COL21A1: variants seen among roughly 807,000 people sequenced by gnomAD.
COL21A1 encodes the protein collagen alpha-1(XXI) chain.
In COL21A1, 149 loss-of-function variants were observed where a neutral mutation model predicts 137.9. The ratio of observed to expected loss-of-function variants is 1.08; its 90% confidence interval spans 0.95 to 1.24. The LOEUF (loss-of-function observed/expected upper bound fraction) is 1.24, where lower values mean the gene tolerates loss of function less well. Ranked by LOEUF, COL21A1 falls within the 50% of genes most tolerant of loss-of-function variation. The pLI is 0.00. For synonymous variants in COL21A1, 456 were observed against 391.5 expected, an observed-to-expected ratio of 1.16 and a Z score of -1.95; for missense variants, 1,167 against 1,158.4, an observed-to-expected ratio of 1.01 and a Z score of -0.11.
intron 1 of COL21A1, among the ~76,000 whole-genome samples, chr6:56,374,349 T>C (rs1414299461): frequency 6.6e-6 from 1 of 152,198 alleles, no homozygotes; most frequent in Non-Finnish European, 1.5e-5. Flanking sequence ...TGCAAATAAT[T>C]GAAGACATCT....
At chr6:56,139,093 T>C (rs1456935169) in intron 12 of COL21A1, among the ~76,000 whole-genome samples, 1 of 152,002 alleles carries the variant, frequency 6.6e-6, no homozygotes, top group Non-Finnish European at 1.5e-5. Flanking sequence ...TGGGAAGACA[T>C]TTAGGGAATT....
intron 1 of COL21A1, among the ~76,000 whole-genome samples, chr6:56,240,285 T>A (rs1782210968): frequency 6.6e-6 from 1 of 152,150 alleles, no homozygotes; most frequent in South Asian, 2.1e-4. Flanking sequence ...TTTCCCTTAG[T>A]CTTCCACCAT....
At chr6:56,366,179 AC>A in intron 1 of COL21A1, among the ~76,000 whole-genome samples, 1 of 152,228 alleles carries the variant, frequency 6.6e-6, no homozygotes, top group Non-Finnish European at 1.5e-5. Context: ...CACTGAAGCC[AC>A]AGCAGGAGGG....
intron 1 of COL21A1, among the ~76,000 whole-genome samples, chr6:56,324,458 G>C (rs868855604): frequency 2.0e-5 from 3 of 152,034 alleles, no homozygotes; most frequent in Admixed American, 6.6e-5. Context: ...GCCTTGAATC[G>C]TCAGCAGGAA....
chr6:56,383,808 T>A (rs1294564305), intron 1 of COL21A1, among the ~76,000 whole-genome samples: 2 of 152,130 alleles, frequency 1.3e-5, no homozygotes, highest in Admixed American at 6.6e-5. Flanking sequence ...AAATAAGTTT[T>A]AAAAAAACCA....
intron 1 of COL21A1, among the ~76,000 whole-genome samples, chr6:56,347,294 C>A (rs1765616687): frequency 6.6e-6 from 1 of 152,040 alleles, no homozygotes; most frequent in South Asian, 2.1e-4. Context: ...AATCCCCCAA[C>A]CTTTCTGGGT....
At chr6:56,112,375 A>G (rs1364990051) in intron 16 of COL21A1, among the ~76,000 whole-genome samples, 1 of 152,206 alleles carries the variant, frequency 6.6e-6, no homozygotes, top group Non-Finnish European at 1.5e-5. Context: ...GTTAACAATT[A>G]TCTACAAAGA....
In COL21A1 at chr6:56,126,026, A is replaced by G; in HGVS notation, c.1596+70T>C. 6.0e-6 allele frequency: 5 copies of G among 835,632 alleles called. 1 individual carries two copies. The South Asian group carries it at 9.1e-5, about 15-fold the overall frequency. 51.8% of individuals were successfully genotyped at this position (835,632 alleles called of 1,614,324 possible). A position where few individuals can be genotyped will look rare whatever the true frequency, so the allele number is the denominator to read the frequency against. On this transcript the variant is annotated intron_variant, in intron 13 of 29. Transcript: ENST00000244728. The stretch of plus-strand genomic sequence containing the variant: ...AACATTTATTTATAACATATTTGTA[A>G]TATAAAAGTACTTTATATTTGAATT...
At position 56,247,369 on chromosome 6, in the gene COL21A1, T is replaced by G. The variant is rs935160780; in HGVS notation, c.-39+18A>C. On this transcript the variant is annotated intron_variant, in intron 1 of 29. Coordinates refer to ENST00000244728, the MANE Select transcript of COL21A1 (RefSeq NM_030820.4). ...TGTCATTCTGGCAGCGAGAGGGGAG[T>G]AGGAGGTGTCTCCTTACCTGGCGCA... 4.0e-5 allele frequency: 6 copies of G among 148,802 alleles called. No individual in the cohort carries two copies. The highest frequency in any genetic ancestry group is 1.5e-4 in the African/African-American group (6 of 40,028). 9.2% of individuals were successfully genotyped at this position (148,802 alleles called of 1,614,324 possible).
chr6:56,284,799 T>C (rs1327341575), intron 1 of COL21A1, among the ~76,000 whole-genome samples: 1 of 152,196 alleles, frequency 6.6e-6, no homozygotes, highest in Non-Finnish European at 1.5e-5. Flanking sequence ...TAGTTCACCC[T>C]ACACTTCACC....
intron 1 of COL21A1, among the ~76,000 whole-genome samples, chr6:56,217,404 T>C (rs752237098): frequency 2.0e-4 from 31 of 152,066 alleles, no homozygotes; most frequent in Non-Finnish European, 3.4e-4. Context: ...CTGTCAACCA[T>C]GAATTTTCTC....
intron 17 of COL21A1, among the ~76,000 whole-genome samples, chr6:56,091,078 C>T (rs1257663890): frequency 6.6e-6 from 1 of 152,118 alleles, no homozygotes; most frequent in African/African-American, 2.4e-5. Context: ...ATAAAGATAC[C>T]TCCACTTTAC....
chr6:56,099,693 C>T (rs1229269989), intron 17 of COL21A1, among the ~76,000 whole-genome samples: 1 of 152,076 alleles, frequency 6.6e-6, no homozygotes, highest in African/African-American at 2.4e-5. Flanking sequence ...CATACACACA[C>T]ACACCTACTT....
intron 17 of COL21A1, among the ~76,000 whole-genome samples, chr6:56,085,400 C>T (rs1285919230): frequency 2.0e-5 from 3 of 151,874 alleles, no homozygotes; most frequent in African/African-American, 7.2e-5. Flanking sequence ...ATAAACAAAA[C>T]ACAAAATATT....
intron 12 of COL21A1, among the ~76,000 whole-genome samples, chr6:56,137,578 C>G (rs1223197467): frequency 6.6e-6 from 1 of 152,142 alleles, no homozygotes; most frequent in Non-Finnish European, 1.5e-5. Flanking sequence ...AAATAGATTT[C>G]TAAACTTCTA....
chr6:56,262,743 A>G (rs984020157), intron 1 of COL21A1, among the ~76,000 whole-genome samples: 2 of 152,158 alleles, frequency 1.3e-5, no homozygotes, highest in Non-Finnish European at 2.9e-5. Context: ...GTCAAAAAGC[A>G]CTACTATTAG....
intron 10 of COL21A1, among the ~76,000 whole-genome samples, chr6:56,153,737 A>AATAACAC (rs1356936665): frequency 6.6e-6 from 1 of 152,156 alleles, no homozygotes; most frequent in East Asian, 1.9e-4. Flanking sequence ...TCTTGACAAC[A>AATAACAC]ATAACACACC....
chr6:56,354,661 T>A (rs1170854111), intron 1 of COL21A1, among the ~76,000 whole-genome samples: 1 of 152,110 alleles, frequency 6.6e-6, no homozygotes, highest in African/African-American at 2.4e-5. Flanking sequence ...GTGGGAGGAC[T>A]ACTTGAGTCC....
intron 16 of COL21A1, 125 bp from the exon 17 acceptor site, chr6:56,101,650 G>T: frequency 4.3e-6 from 3 of 691,374 alleles, no homozygotes; most frequent in South Asian, 2.0e-5. Flanking sequence ...AATTACTTCT[G>T]GACTACTGAT....
Sources: allele counts gnomAD v4.1 joint callset (sites outside exome capture counted in the v4.1 genomes callset), GRCh38; gene constraint gnomAD v4.1.1; transcripts MANE v1.5; gene names NCBI Gene and HGNC (gene_info 2026-07-23, HGNC 2026-07-21).